Variants in DLGAP2 observed in about 807,000 individuals in gnomAD.
DLGAP2 encodes DLG associated protein 2.
Under a neutral mutation model 100.3 loss-of-function variants are expected in DLGAP2, and 26 were observed. That is an observed-to-expected ratio of 0.26 (90% CI 0.19 to 0.36). The LOEUF (loss-of-function observed/expected upper bound fraction) is 0.36. Among genes scored for constraint, DLGAP2 ranks in the 10% least tolerant of loss-of-function variants. The pLI is 1.00. For missense variants in DLGAP2, 1,858 were observed against 1,453.2 expected (o/e 1.28, Z -4.53); for synonymous variants, 886 against 630.1 (o/e 1.41, Z -6.08).
intron 2 of DLGAP2, among the ~76,000 whole-genome samples, chr8:979,697 A>T (rs549357450): frequency 1.2e-4 from 18 of 152,214 alleles, no homozygotes; most frequent in Non-Finnish European, 2.4e-4. Context: ...AAGCATGGCT[A>T]TCCACCCAAA....
intron 2 of DLGAP2, among the ~76,000 whole-genome samples, chr8:1,172,864 C>G (rs570736467): frequency 5.3e-4 from 81 of 152,282 alleles, no homozygotes; most frequent in Non-Finnish European, 9.0e-4. Flanking sequence ...ATCGTCTGAA[C>G]CCTTCTTCTC....
chr8:913,807 T>A (rs1798537203), intron 2 of DLGAP2, among the ~76,000 whole-genome samples: 1 of 152,250 alleles, frequency 6.6e-6, no homozygotes, highest in Non-Finnish European at 1.5e-5. Flanking sequence ...TCCTGAATTA[T>A]CCACATGTGA....
At chr8:1,384,415 C>G (rs879833569) in intron 3 of DLGAP2, among the ~76,000 whole-genome samples, 1 of 92,872 alleles carries the variant, frequency 1.1e-5, no homozygotes, top group Non-Finnish European at 2.4e-5. Context: ...CTCAGTTACC[C>G]CGGCCTGTGC....
intron 3 of DLGAP2, among the ~76,000 whole-genome samples, chr8:1,359,033 G>A (rs1238984769): frequency 6.6e-6 from 1 of 152,184 alleles, no homozygotes; most frequent in African/African-American, 2.4e-5. Flanking sequence ...TGCCCCCAGA[G>A]CTTCGGATTC....
At chr8:1,253,462 TC>T (rs1422156478) in intron 2 of DLGAP2, among the ~76,000 whole-genome samples, 1 of 152,244 alleles carries the variant, frequency 6.6e-6, no homozygotes, top group Non-Finnish European at 1.5e-5. Context: ...AAGCTGCCTC[TC>T]CAAAAATATG....
chr8:1,519,911 T>C (rs1800528485), intron 4 of DLGAP2, among the ~76,000 whole-genome samples: 1 of 152,162 alleles, frequency 6.6e-6, no homozygotes, highest in African/African-American at 2.4e-5. Context: ...CAAAGGGGCG[T>C]GGCTGGGTTT....
chr8:1,344,083 C>CGTACTCGGGGCCCTGTCGTGGGTCTTT (rs1801484406), intron 3 of DLGAP2, among the ~76,000 whole-genome samples: 8 of 29,826 alleles, frequency 2.7e-4, no homozygotes, highest in African/African-American at 8.4e-4. Flanking sequence ...CTGCAAATGT[C>CGTACTCGGGGCCCTGTCGTGGGTCTTT]GTACTCGGGG....
chr8:1,104,285 A>T (rs866242300), intron 2 of DLGAP2, among the ~76,000 whole-genome samples: 7 of 152,064 alleles, frequency 4.6e-5, no homozygotes, highest in Admixed American at 4.6e-4. Context: ...CAGTAAAAAG[A>T]GCTCAGGAGT....
At chr8:878,663 C>G (rs189867294) in intron 1 of DLGAP2, among the ~76,000 whole-genome samples, 3 of 152,212 alleles carry the variant, frequency 2.0e-5, no homozygotes, top group Admixed American at 6.5e-5. Flanking sequence ...ACGAGGGACC[C>G]TCATGGAGAG....
chr8:1,195,655 G>C (rs1181119520), intron 2 of DLGAP2, among the ~76,000 whole-genome samples: 2 of 151,938 alleles, frequency 1.3e-5, no homozygotes, highest in African/African-American at 4.8e-5. Context: ...TCTTCCAAAG[G>C]ATTCTCTTCT....
intron 3 of DLGAP2, among the ~76,000 whole-genome samples, chr8:1,443,363 C>G (rs1386342060): frequency 6.6e-6 from 1 of 151,850 alleles, no homozygotes; most frequent in Non-Finnish European, 1.5e-5. Flanking sequence ...CAGAGATAAT[C>G]GCGGGTAACA....
At chr8:793,283 A>C (rs1346659998) in intron 1 of DLGAP2, among the ~76,000 whole-genome samples, 2 of 152,246 alleles carry the variant, frequency 1.3e-5, no homozygotes, top group Non-Finnish European at 2.9e-5. Flanking sequence ...TCTCAATTCA[A>C]AATGATTTTC....
intron 6 of DLGAP2, chr8:1,621,440 A>G (rs1797333272): frequency 1.3e-5 from 2 of 152,370 alleles, no homozygotes; most frequent in Admixed American, 1.3e-4. Flanking sequence ...GAGCCAGAAG[A>G]GGTTGTCCAC....
chr8:938,296 T>C (rs533231291), intron 2 of DLGAP2, among the ~76,000 whole-genome samples: 34 of 152,290 alleles, frequency 2.2e-4, no homozygotes, highest in African/African-American at 6.5e-4. Flanking sequence ...CTCCCAGGCT[T>C]AAGCGATCCT....
At chr8:1,378,880 G>A (rs771372918) in intron 3 of DLGAP2, among the ~76,000 whole-genome samples, 2 of 152,262 alleles carry the variant, frequency 1.3e-5, no homozygotes, top group South Asian at 2.1e-4. Context: ...TGGTCGGCGG[G>A]TTCAACACTC....
intron 2 of DLGAP2, among the ~76,000 whole-genome samples, chr8:1,063,977 A>G (rs1023558457): frequency 6.6e-6 from 1 of 152,294 alleles, no homozygotes; most frequent in Admixed American, 6.5e-5. Context: ...TCTGCCATGC[A>G]TGCCATTCAT....
chr8:1,626,854 C>T lies in DLGAP2; in HGVS notation c.1557C>T (p.Val519=), dbSNP rs1277834182. The change falls in exon 7 of 15, where the codon GTC becomes GTT. Residue 519 remains valine (V), a synonymous_variant. Coordinates refer to ENST00000637795, the MANE Select transcript of DLGAP2 (RefSeq NM_001346810.2). ...RSRNQSYMRA[V]STLSQASCVS... ...GGAACCAGAGCTACATGAGGGCCGTCAGCACCCTGAGCCAGGCCAGCTGCG... is the reference window on the plus strand; with the variant it reads ...GGAACCAGAGCTACATGAGGGCCGTTAGCACCCTGAGCCAGGCCAGCTGCG... 1.2e-6 allele frequency: 2 copies of T among 1,606,442 alleles called. No homozygotes were observed. The highest frequency in any genetic ancestry group is 1.3e-5 in the African/African-American group (1 of 74,774).
At chr8:908,082 T>G (rs1798416776) in intron 2 of DLGAP2, 116 bp downstream of exon 2, 1 of 394,550 alleles carries the variant, frequency 2.5e-6, no homozygotes, top group Non-Finnish European at 4.5e-6. Flanking sequence ...TGGGTTGTTT[T>G]TAGTGCAAGA....
chr8:1,319,048 C>T (rs1800834997), intron 3 of DLGAP2, among the ~76,000 whole-genome samples: 1 of 147,534 alleles, frequency 6.8e-6, no homozygotes, highest in Non-Finnish European at 1.5e-5. Flanking sequence ...ACAATGGGCT[C>T]CCTGTTGCTC....
Sources: allele counts gnomAD v4.1 joint callset (sites outside exome capture counted in the v4.1 genomes callset), GRCh38; gene constraint gnomAD v4.1.1; transcripts MANE v1.5; gene names NCBI Gene and HGNC (gene_info 2026-07-23, HGNC 2026-07-21).